The following FAM107A variants were observed in gnomAD, a reference collection of about 807,000 sequenced individuals.
The protein encoded by FAM107A is actin-associated protein FAM107A.
FAM107A carries 19 observed loss-of-function variants against 13.7 expected under a neutral mutation model. That is an observed-to-expected ratio of 1.38 (90% CI 0.97 to 2.03). The LOEUF (loss-of-function observed/expected upper bound fraction) is 2.03, where lower values mean the gene tolerates loss of function less well. FAM107A is among the 30% of genes most tolerant of loss of function. The pLI, the probability that FAM107A is intolerant of heterozygous loss-of-function variation, is 0.00. For missense variants in FAM107A, 203 were observed against 184.4 expected, an observed-to-expected ratio of 1.10 and a Z score of -0.58; for synonymous variants, 82 against 74.5, an observed-to-expected ratio of 1.10 and a Z score of -0.52.
At position 58,613,523 on chromosome 3, in the gene FAM107A, C is replaced by T. The variant is rs1176258561; in HGVS notation, c.-70+13893G>A. ...CTGCCTGCTGCTCTGGCCTGACCAA[C>T]TTGCTCTCAGTGCCCTGAGTGCCAG... On this transcript the variant is annotated intron_variant, in intron 1 of 3. Transcript: ENST00000465970. The surrounding 1 kb of genome is among the most constrained non-coding windows in gnomAD (Gnocchi z 4.6). Among the ~76,000 whole-genome samples the T allele has an allele frequency of 6.6e-6, 1 of 152,230 alleles. No individual in the cohort carries two copies. Among genetic ancestry groups the T allele is most frequent in the Admixed American group, 6.5e-5 (1 of 15,286 alleles).
At chr3:58,627,058 C>A in intron 1 of FAM107A, 1 of 1,508,184 alleles carries the variant, frequency 6.6e-7, no homozygotes, top group Non-Finnish European at 8.9e-7. Context: ...TCCCTGCTGG[C>A]GTTGATCTCA....
chr3:58,621,475 C>A (rs751777519), intron 1 of FAM107A, among the ~76,000 whole-genome samples: 7 of 152,158 alleles, frequency 4.6e-5, no homozygotes, highest in Non-Finnish European at 7.4e-5. Flanking sequence ...TTGCTATGGA[C>A]AAAGTGACAA....
At position 58,567,195 on chromosome 3, in the gene FAM107A, G is replaced by C; in HGVS notation, c.327+13C>G. On this transcript the variant is annotated intron_variant, in intron 3 of 3. Transcript: ENST00000360997. ...GGAGGATGCGTGGTCCCTGCTGGGTGCCCATCACCCACCTGGTTCAGCCTC... is the reference window on the plus strand; with the variant it reads ...GGAGGATGCGTGGTCCCTGCTGGGTCCCCATCACCCACCTGGTTCAGCCTC... The C allele has an allele frequency of 6.2e-7, 1 of 1,614,146 alleles. No homozygotes were observed. Among genetic ancestry groups the C allele is most frequent in the Non-Finnish European group, 8.5e-7 (1 of 1,180,000 alleles).
In FAM107A at chr3:58,569,699, G is replaced by A. The variant is rs1289348588; in HGVS notation, c.162C>T (p.Asn54=). The change falls in exon 2 of 4, where the codon AAC becomes AAT. Residue 54 remains asparagine (N), a synonymous_variant. Transcript: ENST00000360997. This position sits in a 1 kb window ranked among gnomAD's most constrained non-coding sequence, Gnocchi z 5.7. The part of the protein sequence containing the change: ...HQELHRELLM[N]HRRGLGVDSK... Reference sequence around the variant, plus strand: ...CAGGGCTTCATCCCTACCTTCTGTGGTTCATGAGCAGCTCCCGGTGGAGCT... The same window carrying A: ...CAGGGCTTCATCCCTACCTTCTGTGATTCATGAGCAGCTCCCGGTGGAGCT... 2 of 1,613,240 alleles carry A rather than the reference G, an allele frequency of 1.2e-6. No individual in the cohort carries two copies.
chr3:58,569,549 G>A lies in FAM107A; in HGVS notation c.170+142C>T. 2 of 699,886 alleles carry A rather than the reference G, an allele frequency of 2.9e-6. No homozygotes were observed. Among genetic ancestry groups the A allele is most frequent in the Non-Finnish European group, 4.8e-6 (2 of 414,338 alleles). The allele number at this position is 699,886 out of a possible 1,614,324, so 43.4% of individuals were successfully genotyped here. ...CAGGGTCTTTACAGGTTTTGCCGGT[G>A]ATCATGTGGGGCACCTCAGCCTTCC... On this transcript the variant is annotated intron_variant, in intron 2 of 3. Transcript: ENST00000360997. This position sits in a 1 kb window ranked among gnomAD's most constrained non-coding sequence, Gnocchi z 5.7.
chr3:58,610,968 G>C (rs1411540465), intron 1 of FAM107A, among the ~76,000 whole-genome samples: 7 of 152,202 alleles, frequency 4.6e-5, no homozygotes, highest in Non-Finnish European at 1.0e-4. Flanking sequence ...GAGTTGATTG[G>C]ATCATGGGGG....
At chr3:58,595,085 C>T (rs2065686436) in intron 1 of FAM107A, among the ~76,000 whole-genome samples, 2 of 151,758 alleles carry the variant, frequency 1.3e-5, no homozygotes, top group East Asian at 1.9e-4. Context: ...TCACCCCTTA[C>T]CCCCAAATCT....
At chr3:58,612,454 C>G (rs1360671036) in intron 1 of FAM107A, among the ~76,000 whole-genome samples, 2 of 151,954 alleles carry the variant, frequency 1.3e-5, no homozygotes, top group Non-Finnish European at 2.9e-5. Context: ...GAGGCACATA[C>G]CTATAGTATT....
rs941565861 is a variant in FAM107A, at chr3:58,573,523, G to C, written c.-5-3658C>G. ...TCCAAGACTCTGGGGTCCATCCGGG[G>C]AGTGGCTGTGGAGCAGCTAAGAGGG... On this transcript the variant is annotated intron_variant, in intron 1 of 3. Coordinates refer to ENST00000360997, the MANE Select transcript of FAM107A (RefSeq NM_001076778.3). The C allele has an allele frequency of 5.2e-5, 8 of 152,592 alleles. No homozygotes were observed. The East Asian group carries it at 1.5e-3, about 29-fold the overall frequency. 9.5% of individuals were successfully genotyped at this position (152,592 alleles called of 1,614,324 possible). A position where few individuals can be genotyped will look rare whatever the true frequency, so the allele number is the denominator to read the frequency against.
intron 1 of FAM107A, chr3:58,572,880 G>A (rs935866825): frequency 1.3e-5 from 2 of 152,206 alleles, no homozygotes; most frequent in Non-Finnish European, 2.9e-5. Flanking sequence ...GAGGGGCCCT[G>A]TTTGGTTTGA....
intron 1 of FAM107A, among the ~76,000 whole-genome samples, chr3:58,602,600 A>G (rs2065762137): frequency 6.6e-6 from 1 of 152,228 alleles, no homozygotes; most frequent in African/African-American, 2.4e-5. Context: ...ATTTCTATAC[A>G]ATGTAACAGT....
chr3:58,620,490 G>T (rs1332727336), intron 1 of FAM107A, among the ~76,000 whole-genome samples: 1 of 152,264 alleles, frequency 6.6e-6, no homozygotes, highest in African/African-American at 2.4e-5. Context: ...AAGAAGTCTC[G>T]GCTGAGCCGG....
chr3:58,566,450 G>A lies in FAM107A; in HGVS notation c.*138C>T. On this transcript the variant is annotated 3_prime_UTR_variant, in exon 4 of 4. Transcript: ENST00000360997. ...CTCCCAGGGAGAGCCAGGCCCTCTG[G>A]GGTGACACATTTCTACAGAAGCAGG... 1 of 670,134 alleles carries A rather than the reference G, an allele frequency of 1.5e-6. No individual in the cohort carries two copies. Among genetic ancestry groups the A allele is most frequent in the Non-Finnish European group, 2.6e-6 (1 of 391,668 alleles). 41.5% of individuals were successfully genotyped at this position (670,134 alleles called of 1,614,324 possible).
intron 1 of FAM107A, among the ~76,000 whole-genome samples, chr3:58,602,652 T>C (rs944744468): frequency 1.3e-5 from 2 of 152,204 alleles, no homozygotes; most frequent in Non-Finnish European, 2.9e-5. Context: ...TTTACTAACA[T>C]GGAAGATGTC....
intron 1 of FAM107A, among the ~76,000 whole-genome samples, chr3:58,606,389 C>A (rs1025595688): frequency 1.3e-5 from 2 of 152,216 alleles, no homozygotes; most frequent in Non-Finnish European, 2.9e-5. Flanking sequence ...AGCCACCATG[C>A]CCGGCCTATG....
At chr3:58,590,629 C>G (rs915439702), upstream of FAM107A, among the ~76,000 whole-genome samples, 1 of 152,152 alleles carries the variant, frequency 6.6e-6, no homozygotes, top group Admixed American at 6.5e-5. Flanking sequence ...TTTTACATGG[C>G]AGCAGGAGAG....
chr3:58,569,665 C>A lies in FAM107A; in HGVS notation c.170+26G>T. On this transcript the variant is annotated intron_variant, in intron 2 of 3. Coordinates refer to ENST00000360997, the MANE Select transcript of FAM107A (RefSeq NM_001076778.3). The surrounding 1 kb of genome is among the most constrained non-coding windows in gnomAD (Gnocchi z 5.7). The stretch of plus-strand genomic sequence containing the variant: ...CCCACAGGCCCAGGTGCTTGCGGGG[C>A]CCAGGCAGCAGGGCTTCATCCCTAC... 3 of 1,595,036 alleles carry A rather than the reference C, an allele frequency of 1.9e-6. No individual in the cohort carries two copies. Among genetic ancestry groups the A allele is most frequent in the South Asian group, 1.1e-5 (1 of 88,830 alleles).
intron 1 of FAM107A, among the ~76,000 whole-genome samples, chr3:58,616,526 A>AACACACACAC (rs59230021): frequency 6.2e-4 from 86 of 137,860 alleles, no homozygotes; most frequent in Middle Eastern, 3.8e-3. Flanking sequence ...ATAAGAGGAG[A>AACACACACAC]ACACACACAC....
upstream of FAM107A, among the ~76,000 whole-genome samples, chr3:58,581,214 C>T (rs747794346): frequency 6.6e-6 from 1 of 152,214 alleles, no homozygotes; most frequent in Non-Finnish European, 1.5e-5. Context: ...GGGCTGGGCA[C>T]ACCCCTCCTG....
Sources: allele counts gnomAD v4.1 joint callset (sites outside exome capture counted in the v4.1 genomes callset), GRCh38; gene constraint gnomAD v4.1.1; non-coding constraint Gnocchi (gnomAD v3.1); transcripts MANE v1.5; gene names NCBI Gene and HGNC (gene_info 2026-07-23, HGNC 2026-07-21).